The following SLC67A2 variants were observed in gnomAD, a reference collection of about 807,000 sequenced individuals.
SLC67A2 encodes the protein solute carrier family 67 member A2.
chr2:102,721,656 C>CTT, the SLC67A2 span, among the ~76,000 whole-genome samples: 2 of 132,902 alleles, frequency 1.5e-5, no homozygotes, highest in South Asian at 5.5e-4. Flanking sequence ...AGCTCATAGT[C>CTT]CTGTGTGTGT....
the SLC67A2 span, chr2:102,732,178 T>G: frequency 1.3e-6 from 1 of 781,118 alleles, no homozygotes; most frequent in Non-Finnish European, 2.3e-6. Flanking sequence ...GGGTAATATT[T>G]TAAAATATTC....
At chr2:102,724,918 C>A in the SLC67A2 span, among the ~76,000 whole-genome samples, 1 of 152,244 alleles carries the variant, frequency 6.6e-6, no homozygotes, top group African/African-American at 2.4e-5. Context: ...CTCCCTAGAC[C>A]TGTTTCCTTA....
At chr2:102,718,264 G>A in the SLC67A2 span, 13 of 805,216 alleles carry the variant, frequency 1.6e-5, no homozygotes, top group African/African-American at 3.4e-5. Context: ...AGGCATGGCT[G>A]CATGGCCAAG....
chr2:102,736,865 C>G, the SLC67A2 span: 624 of 1,505,598 alleles, frequency 4.1e-4, 2 homozygotes, highest in African/African-American at 7.8e-3. Flanking sequence ...ACCCCGGGAG[C>G]CCAGCCCCGC....
At chr2:102,733,789 T>C in the SLC67A2 span, among the ~76,000 whole-genome samples, 3 of 151,808 alleles carry the variant, frequency 2.0e-5, no homozygotes, top group African/African-American at 7.3e-5. Flanking sequence ...TATCATTTAA[T>C]AAAATGGGTA....
chr2:102,718,506 C>T, the SLC67A2 span: 30 of 1,613,952 alleles, frequency 1.9e-5, no homozygotes, highest in Middle Eastern at 3.3e-4. Context: ...AAGGCTAACA[C>T]AGCGCCCAGG....
At chr2:102,724,568 C>T in the SLC67A2 span, among the ~76,000 whole-genome samples, 1 of 152,206 alleles carries the variant, frequency 6.6e-6, no homozygotes, top group African/African-American at 2.4e-5. Flanking sequence ...TCCTATGTCC[C>T]TAGACCCCCC....
chr2:102,733,288 T>A, the SLC67A2 span, among the ~76,000 whole-genome samples: 1 of 152,316 alleles, frequency 6.6e-6, no homozygotes, highest in South Asian at 2.1e-4. Context: ...ACAGTTTTCA[T>A]TATATTCGAC....
chr2:102,736,276 G>A, the SLC67A2 span, among the ~76,000 whole-genome samples: 1 of 152,152 alleles, frequency 6.6e-6, no homozygotes, highest in Admixed American at 6.5e-5. Flanking sequence ...ACCAGCAGCC[G>A]CACAGCAGCT....
the SLC67A2 span, among the ~76,000 whole-genome samples, chr2:102,720,501 T>TCCAGG: frequency 2.6e-5 from 4 of 152,166 alleles, no homozygotes; most frequent in Non-Finnish European, 5.9e-5. Flanking sequence ...CCTTCCAATA[T>TCCAGG]TCATGGAGTT....
At chr2:102,733,172 T>C in the SLC67A2 span, among the ~76,000 whole-genome samples, 1 of 152,218 alleles carries the variant, frequency 6.6e-6, no homozygotes, top group Non-Finnish European at 1.5e-5. Flanking sequence ...TTGCTAGGTA[T>C]TCTGAGTTAA....
the SLC67A2 span, among the ~76,000 whole-genome samples, chr2:102,730,582 G>A: frequency 6.8e-5 from 10 of 147,622 alleles, no homozygotes; most frequent in Admixed American, 1.4e-4. Flanking sequence ...TCGCTCTGTC[G>A]TCCAGGCTGG....
the SLC67A2 span, chr2:102,726,816 G>GAA: frequency 0.075 from 94,396 of 1,263,944 alleles, 146 homozygotes; most frequent in South Asian, 0.094. Flanking sequence ...AGCTACGTTT[G>GAA]AAAAAAAAAA....
chr2:102,727,297 T>C, the SLC67A2 span, among the ~76,000 whole-genome samples: 4 of 152,180 alleles, frequency 2.6e-5, no homozygotes, highest in African/African-American at 9.6e-5. Context: ...CTCATTACTT[T>C]ATAAAACTAC....
At chr2:102,723,185 C>A in the SLC67A2 span, among the ~76,000 whole-genome samples, 2 of 152,180 alleles carry the variant, frequency 1.3e-5, no homozygotes, top group African/African-American at 4.8e-5. Flanking sequence ...AAAGAGAACT[C>A]TTGGGCTGGG....
At chr2:102,735,130 T>C in the SLC67A2 span, among the ~76,000 whole-genome samples, 2 of 152,098 alleles carry the variant, frequency 1.3e-5, no homozygotes, top group Non-Finnish European at 2.9e-5. Flanking sequence ...GACTGAAAAG[T>C]AGAAGAAGCA....
At chr2:102,734,390 T>C in the SLC67A2 span, among the ~76,000 whole-genome samples, 1 of 152,296 alleles carries the variant, frequency 6.6e-6, no homozygotes, top group African/African-American at 2.4e-5. Context: ...GTCATCTTGG[T>C]CTTCCCTCCT....
chr2:102,736,887 G>A, the SLC67A2 span: 1 of 1,477,940 alleles, frequency 6.8e-7, no homozygotes, highest in Non-Finnish European at 8.9e-7. Flanking sequence ...CCGAGCGGAA[G>A]CAGGAGGCGC....
At chr2:102,717,323 G>C in the SLC67A2 span, 2 of 152,238 alleles carry the variant, frequency 1.3e-5, no homozygotes, top group Non-Finnish European at 2.9e-5. Flanking sequence ...CTGAGCCACC[G>C]AGCCTGGCCA....
Sources: gnomAD v4.1 joint callset for allele counts (sites outside exome capture counted in the v4.1 genomes callset) on GRCh38, gnomAD v4.1.1 for gene constraint, MANE v1.5 for transcripts, NCBI Gene and HGNC (gene_info 2026-07-23, HGNC 2026-07-21) for gene names.